ZMAT4: variants seen among roughly 807,000 people sequenced by gnomAD.
The protein encoded by ZMAT4 is zinc finger matrin-type protein 4.
A neutral mutation model predicts 28.7 loss-of-function variants in ZMAT4; 17 were observed. The ratio of observed to expected loss-of-function variants is 0.59; its 90% CI spans 0.41 to 0.89. ZMAT4 has a LOEUF of 0.89. Among genes scored for constraint, ZMAT4 ranks in the 40% least tolerant of loss-of-function variants. ZMAT4 has a pLI of 0.00. For missense variants in ZMAT4, 240 were observed against 283.8 expected, an observed-to-expected ratio of 0.85 and a Z score of 1.11; for synonymous variants, 117 against 109.2, an observed-to-expected ratio of 1.07 and a Z score of -0.44.
chr8:40,663,330 G>A (rs1808279276), intron 5 of ZMAT4, among the ~76,000 whole-genome samples: 1 of 152,118 alleles, frequency 6.6e-6, no homozygotes, highest in African/African-American at 2.4e-5. Context: ...TGTGGTTGGA[G>A]GGCTCCCAAG....
intron 4 of ZMAT4, among the ~76,000 whole-genome samples, chr8:40,688,865 A>T (rs2150486448): frequency 6.6e-6 from 1 of 152,336 alleles, no homozygotes; most frequent in Non-Finnish European, 1.5e-5. Context: ...AAACGTAGCT[A>T]GGCTCTGAAG....
intron 4 of ZMAT4, among the ~76,000 whole-genome samples, chr8:40,683,198 A>G (rs1809251409): frequency 6.6e-6 from 1 of 152,162 alleles, no homozygotes; most frequent in Non-Finnish European, 1.5e-5. Flanking sequence ...TCTTACATAA[A>G]CTGCTGTACT....
chr8:40,672,388 T>C (rs1232940459), intron 5 of ZMAT4, among the ~76,000 whole-genome samples: 1 of 152,180 alleles, frequency 6.6e-6, no homozygotes, highest in Non-Finnish European at 1.5e-5. Context: ...GCTTTTGCAA[T>C]ATTTAATGCT....
intron 5 of ZMAT4, among the ~76,000 whole-genome samples, chr8:40,661,088 A>T (rs528734826): frequency 6.6e-6 from 1 of 152,152 alleles, no homozygotes; most frequent in African/African-American, 2.4e-5. Flanking sequence ...AGTATGTTCT[A>T]CTTGGAGTAA....
At chr8:40,646,716 T>C (rs1354396686) in intron 5 of ZMAT4, among the ~76,000 whole-genome samples, 1 of 152,170 alleles carries the variant, frequency 6.6e-6, no homozygotes, top group Non-Finnish European at 1.5e-5. Context: ...CAAAAGCTGA[T>C]AGAATTTAAA....
At position 40,567,913 on chromosome 8, in the gene ZMAT4, T is replaced by G. The variant is rs1803973629; in HGVS notation, c.674+13252A>C. Among the ~76,000 whole-genome samples the G allele has an allele frequency of 2.0e-5, 3 of 152,220 alleles. No individual in the cohort carries two copies. In the South Asian group the frequency reaches 6.2e-4, roughly 32 times the overall value. Reference sequence around the variant, plus strand: ...AGATTTAATCAGTGAATATTGAGATTAGCCAGAATATACTATCAGTGGTAG... The same window carrying G: ...AGATTTAATCAGTGAATATTGAGATGAGCCAGAATATACTATCAGTGGTAG... On this transcript the variant is annotated intron_variant, in intron 6 of 6. Transcript: ENST00000297737.
chr8:40,629,745 T>C (rs1806506659), intron 5 of ZMAT4, among the ~76,000 whole-genome samples: 2 of 152,192 alleles, frequency 1.3e-5, no homozygotes, highest in Non-Finnish European at 2.9e-5. Context: ...CTCATCATTT[T>C]TTATGGCTGC....
intron 5 of ZMAT4, among the ~76,000 whole-genome samples, chr8:40,603,474 A>G (rs1241329099): frequency 6.6e-6 from 1 of 152,192 alleles, no homozygotes; most frequent in Non-Finnish European, 1.5e-5. Context: ...TGATGATGGT[A>G]TTTTGAAGGA....
chr8:40,857,984 T>C (rs1253671070), intron 1 of ZMAT4, among the ~76,000 whole-genome samples: 1 of 152,022 alleles, frequency 6.6e-6, no homozygotes, highest in African/African-American at 2.4e-5. Context: ...AGGAGAGAAA[T>C]AAGAACAATG....
intron 6 of ZMAT4, among the ~76,000 whole-genome samples, chr8:40,556,981 C>G (rs1439754474): frequency 6.6e-6 from 1 of 152,032 alleles, no homozygotes; most frequent in South Asian, 2.1e-4. Context: ...CTTTAACCCC[C>G]ACTCCCACCT....
intron 6 of ZMAT4, among the ~76,000 whole-genome samples, chr8:40,551,099 G>C (rs898281072): frequency 6.6e-6 from 1 of 152,126 alleles, no homozygotes; most frequent in Non-Finnish European, 1.5e-5. Context: ...CCACAAAAGT[G>C]AGCAGAGTGG....
chr8:40,572,466 A>G (rs1477324411), intron 6 of ZMAT4, among the ~76,000 whole-genome samples: 1 of 152,180 alleles, frequency 6.6e-6, no homozygotes, highest in Non-Finnish European at 1.5e-5. Flanking sequence ...CTCATTTTCA[A>G]CCAACTGAAG....
At chr8:40,869,609 G>A (rs1203210527) in intron 1 of ZMAT4, among the ~76,000 whole-genome samples, 1 of 152,190 alleles carries the variant, frequency 6.6e-6, no homozygotes, top group African/African-American at 2.4e-5. Flanking sequence ...ATTAGGGCAG[G>A]GATTTTACCA....
intron 5 of ZMAT4, among the ~76,000 whole-genome samples, chr8:40,588,648 C>T (rs1026692068): frequency 1.3e-5 from 2 of 152,022 alleles, no homozygotes; most frequent in African/African-American, 4.8e-5. Flanking sequence ...TATGGAACAA[C>T]TAGAATTTGA....
At position 40,659,644 on chromosome 8, in the gene ZMAT4, C is replaced by T. The variant is rs144674759; in HGVS notation, c.577+15060G>A. Reference sequence around the variant, plus strand: ...GGTGCAATTATTCACAATCGAAGTTCACAGACTCACAATTTATTGTTCCTC... The same window carrying T: ...GGTGCAATTATTCACAATCGAAGTTTACAGACTCACAATTTATTGTTCCTC... On this transcript the variant is annotated intron_variant, in intron 5 of 6. Coordinates refer to ENST00000297737, the MANE Select transcript of ZMAT4 (RefSeq NM_024645.3). 2.6e-5 allele frequency among the ~76,000 whole-genome samples: 4 copies of T among 152,234 alleles called. No homozygotes were observed. The East Asian group carries it at 7.7e-4, about 29-fold the overall frequency.
intron 2 of ZMAT4, among the ~76,000 whole-genome samples, chr8:40,800,921 T>C (rs1488317522): frequency 6.6e-6 from 1 of 151,828 alleles, no homozygotes; most frequent in East Asian, 1.9e-4. Flanking sequence ...TAGAGAAAAT[T>C]ATCACAACCA....
intron 3 of ZMAT4, among the ~76,000 whole-genome samples, chr8:40,765,950 A>G (rs1813140904): frequency 6.6e-6 from 1 of 152,240 alleles, no homozygotes; most frequent in South Asian, 2.1e-4. Flanking sequence ...CCCAATGGGA[A>G]GCACGATTCC....
chr8:40,836,759 AG>A (rs1158750343), intron 1 of ZMAT4, among the ~76,000 whole-genome samples: 6 of 152,206 alleles, frequency 3.9e-5, no homozygotes, highest in African/African-American at 1.4e-4. Flanking sequence ...TGATTGCCTT[AG>A]GTTGGGGAGA....
At chr8:40,549,137 C>T (rs1034998021) in intron 6 of ZMAT4, among the ~76,000 whole-genome samples, 1 of 152,136 alleles carries the variant, frequency 6.6e-6, no homozygotes, top group Non-Finnish European at 1.5e-5. Context: ...AAGGACCCAA[C>T]AAGAAGCTGC....
Sources: allele counts gnomAD v4.1 joint callset (sites outside exome capture counted in the v4.1 genomes callset), GRCh38; gene constraint gnomAD v4.1.1; transcripts MANE v1.5; gene names NCBI Gene and HGNC (gene_info 2026-07-23, HGNC 2026-07-21).